Variants in ZBTB10 observed in about 807,000 individuals in gnomAD.
The protein encoded by ZBTB10 is zinc finger and BTB domain-containing protein 10.
In ZBTB10, 32 loss-of-function variants were observed where a neutral mutation model predicts 76.4. That is an observed-to-expected ratio of 0.42 (90% CI 0.32 to 0.56). The LOEUF (loss-of-function observed/expected upper bound fraction) is 0.56, where lower values mean the gene tolerates loss of function less well. ZBTB10 is among the 20% of genes least tolerant of loss of function. The probability of loss-of-function intolerance (pLI) is 0.14; values close to 1 mark genes in which losing one functional copy is unlikely to be tolerated. For missense variants in ZBTB10, 1,057 were observed against 1,098.5 expected (o/e 0.96, Z 0.53); for synonymous variants, 523 against 432.9 (o/e 1.21, Z -2.58).
In ZBTB10 at chr8:80,513,942, G is replaced by A; in HGVS notation, c.1894G>A (p.Gly632Ser). 1 of 1,613,590 alleles carries A rather than the reference G, an allele frequency of 6.2e-7. No individual in the cohort carries two copies. The highest frequency in any genetic ancestry group is 1.3e-5 in the African/African-American group (1 of 75,014). The change falls in exon 3 of 6, where the codon GGT becomes AGT. Residue 632 changes from glycine to serine, a missense_variant. By Grantham distance (56) the Gly-to-Ser change is moderately conservative (BLOSUM62 0). Coordinates refer to ENST00000455036, the MANE Select transcript of ZBTB10 (RefSeq NM_001105539.3). ...LDGALLSGPD[G>S]DRNVNANLLA... ...TGGTGCTCTACTCTCGGGGCCAGAT[G>A]GTGATAGGAATGTGAATGCAAATTT...
In ZBTB10 at chr8:80,487,463, T is replaced by C; in HGVS notation, c.653T>C (p.Val218Ala). The change falls in exon 1 of 6, where the codon GTG becomes GCG. Residue 218 changes from valine (V) to alanine (A), a missense_variant. Coordinates refer to ENST00000455036, the MANE Select transcript of ZBTB10 (RefSeq NM_001105539.3). ...TCGGGCGGCGATGGCGGGGACGAAGTGGAGGGCAGCGGTGTGGGAGCTGGC... is the reference window on the plus strand; with the variant it reads ...TCGGGCGGCGATGGCGGGGACGAAGCGGAGGGCAGCGGTGTGGGAGCTGGC... ...RRSGGDGGDE[V>A]EGSGVGAGEG... 1 of 1,549,298 alleles carries C rather than the reference T, an allele frequency of 6.5e-7. No homozygotes were observed. The highest frequency in any genetic ancestry group is 1.2e-5 in the South Asian group (1 of 84,034).
In ZBTB10 at chr8:80,523,826, G is replaced by A. The variant is rs1816497231; in HGVS notation, c.*4298G>A. On this transcript the variant is annotated 3_prime_UTR_variant, in exon 6 of 6. Coordinates refer to ENST00000455036, the MANE Select transcript of ZBTB10 (RefSeq NM_001105539.3). ...TGGTTGAGGCCATTATTTAGTGGGA[G>A]CATTGGCATTTTGAACACTGTAAAC... 6.6e-6 allele frequency: 1 copy of A among 151,968 alleles called. No individual in the cohort carries two copies. The highest frequency in any genetic ancestry group is 2.4e-5 in the African/African-American group (1 of 41,422). 9.4% of individuals were successfully genotyped at this position (151,968 alleles called of 1,614,324 possible). A position where few individuals can be genotyped will look rare whatever the true frequency, so the allele number is the denominator to read the frequency against.
chr8:80,515,149 G>A (rs1816295889), intron 3 of ZBTB10, among the ~76,000 whole-genome samples: 2 of 152,156 alleles, frequency 1.3e-5, no homozygotes, highest in Non-Finnish European at 2.9e-5. Context: ...TGGTTATCTA[G>A]GAGCATGTTC....
At position 80,487,534 on chromosome 8, in the gene ZBTB10, C is replaced by G. The variant is rs1412743184; in HGVS notation, c.724C>G (p.Leu242Val). The G allele has an allele frequency of 6.3e-7, 1 of 1,585,526 alleles. No individual in the cohort carries two copies. Among genetic ancestry groups the G allele is most frequent in the Non-Finnish European group, 8.6e-7 (1 of 1,165,820 alleles). The stretch of plus-strand genomic sequence containing the variant: ...CTTCCCGCTCGCGCGGCCCAAGTCT[C>G]TAATGCAGAAGCTCCAATGCTCCTT... ...QHFPLARPKS[L>V]MQKLQCSFQT... The change falls in exon 1 of 6, where the codon CTA (leucine) becomes GTA (valine). Residue 242 changes from leucine to valine, a missense_variant. Coordinates refer to ENST00000455036, the MANE Select transcript of ZBTB10 (RefSeq NM_001105539.3).
At chr8:80,508,443 C>A (rs1816112438) in intron 2 of ZBTB10, among the ~76,000 whole-genome samples, 1 of 152,158 alleles carries the variant, frequency 6.6e-6, no homozygotes, top group South Asian at 2.1e-4. Context: ...AATCTAAAGA[C>A]ACTGAGCAAT....
chr8:80,492,446 T>C (rs1230759069), intron 1 of ZBTB10, among the ~76,000 whole-genome samples: 1 of 152,176 alleles, frequency 6.6e-6, no homozygotes, highest in Non-Finnish European at 1.5e-5. Context: ...AAGACACAGA[T>C]AACATGGTAG....
At chr8:80,515,940 T>C (rs951326926) in intron 3 of ZBTB10, among the ~76,000 whole-genome samples, 2 of 152,194 alleles carry the variant, frequency 1.3e-5, no homozygotes, top group South Asian at 2.1e-4. Context: ...TATTCTCTGT[T>C]ATAAGAATTA....
intron 3 of ZBTB10, among the ~76,000 whole-genome samples, chr8:80,515,977 G>T (rs1397462900): frequency 6.6e-6 from 1 of 152,166 alleles, no homozygotes; most frequent in Non-Finnish European, 1.5e-5. Context: ...TTTGGGGCAA[G>T]GTTTACTTAA....
chr8:80,519,601 G>C lies in ZBTB10; in HGVS notation c.*73G>C. 1 of 1,436,258 alleles carries C rather than the reference G, an allele frequency of 7.0e-7. No individual in the cohort carries two copies. Among genetic ancestry groups the C allele is most frequent in the Non-Finnish European group, 9.4e-7 (1 of 1,067,424 alleles). The allele number at this position is 1,436,258 out of a possible 1,614,324, so 89.0% of individuals were successfully genotyped here. ...ATCGACAATTTGGATTGTTGAACTT[G>C]AAGGCTTGCAAAATATGGTACATGC... On this transcript the variant is annotated 3_prime_UTR_variant, in exon 6 of 6. Coordinates refer to ENST00000455036, the MANE Select transcript of ZBTB10 (RefSeq NM_001105539.3).
intron 1 of ZBTB10, among the ~76,000 whole-genome samples, chr8:80,492,218 C>T (rs1186650953): frequency 6.6e-6 from 1 of 152,174 alleles, no homozygotes; most frequent in Non-Finnish European, 1.5e-5. Context: ...TATTCAGTAA[C>T]AGCTAGTTCA....
chr8:80,512,070 TGTG>T (rs1450793409), intron 2 of ZBTB10, among the ~76,000 whole-genome samples: 1 of 152,164 alleles, frequency 6.6e-6, no homozygotes, highest in Non-Finnish European at 1.5e-5. Context: ...TGTTATTTAA[TGTG>T]GTACCACATT....
At chr8:80,485,623 T>A, upstream of ZBTB10, 1 of 548,936 alleles carries the variant, frequency 1.8e-6, no homozygotes, top group Non-Finnish European at 3.1e-6. Context: ...TTCTGTGAAA[T>A]GACTACTGTC....
At chr8:80,510,287 T>G (rs1212975244) in intron 2 of ZBTB10, among the ~76,000 whole-genome samples, 1 of 152,168 alleles carries the variant, frequency 6.6e-6, no homozygotes, top group East Asian at 1.9e-4. Flanking sequence ...CAAATTGTAG[T>G]TTTTTGATTG....
intron 1 of ZBTB10, among the ~76,000 whole-genome samples, chr8:80,496,743 T>C (rs1030894244): frequency 1.3e-5 from 2 of 152,232 alleles, no homozygotes; most frequent in African/African-American, 2.4e-5. Context: ...TGAAGTGTTT[T>C]CAACTGCTTG....
chr8:80,490,865 T>G (rs1162678945), intron 1 of ZBTB10, among the ~76,000 whole-genome samples: 1 of 152,222 alleles, frequency 6.6e-6, no homozygotes, highest in Non-Finnish European at 1.5e-5. Context: ...GCATTTATGA[T>G]AATGGTCCCA....
intron 1 of ZBTB10, among the ~76,000 whole-genome samples, chr8:80,495,723 C>T (rs958769756): frequency 2.0e-5 from 3 of 151,986 alleles, no homozygotes; most frequent in African/African-American, 7.3e-5. Context: ...CAAGCATTTT[C>T]CTTTGAGTAA....
At chr8:80,490,703 GT>G (rs1227201580) in intron 1 of ZBTB10, among the ~76,000 whole-genome samples, 1 of 152,150 alleles carries the variant, frequency 6.6e-6, no homozygotes, top group Non-Finnish European at 1.5e-5. Flanking sequence ...GGAAATGAGA[GT>G]TTTAGAATTC....
intron 2 of ZBTB10, among the ~76,000 whole-genome samples, chr8:80,508,176 T>C (rs1298443597): frequency 1.3e-5 from 2 of 152,240 alleles, no homozygotes; most frequent in African/African-American, 2.4e-5. Flanking sequence ...AGAAGTCTTA[T>C]GTGGGTCAGT....
At chr8:80,485,684 TG>T (rs1297517589), upstream of ZBTB10, 11 of 1,056,412 alleles carry the variant, frequency 1.0e-5, no homozygotes, top group African/African-American at 1.6e-5. Context: ...GTTGTGTCCG[TG>T]GTCGTAACCT....
Sources: allele counts gnomAD v4.1 joint callset (sites outside exome capture counted in the v4.1 genomes callset), GRCh38; gene constraint gnomAD v4.1.1; transcripts MANE v1.5; gene names NCBI Gene and HGNC (gene_info 2026-07-23, HGNC 2026-07-21).